KCNH8: variants seen among roughly 807,000 people sequenced by gnomAD.
KCNH8 encodes the protein potassium voltage-gated channel subfamily H member 8, also known as voltage-gated delayed rectifier potassium channel KCNH8.
KCNH8 carries 70 observed loss-of-function variants against 103.6 expected under a neutral mutation model. The ratio of observed to expected loss-of-function variants is 0.68; its 90% confidence interval spans 0.56 to 0.82. The LOEUF is 0.82. KCNH8 is among the 40% of genes least tolerant of loss of function. The pLI is 0.00. For synonymous variants in KCNH8, 498 were observed against 489.4 expected, an observed-to-expected ratio of 1.02 and a Z score of -0.23; for missense variants, 1,217 against 1,329.9, an observed-to-expected ratio of 0.92 and a Z score of 1.32.
At chr3:19,340,039 T>A (rs1005056753) in intron 3 of KCNH8, among the ~76,000 whole-genome samples, 8 of 152,240 alleles carry the variant, frequency 5.3e-5, no homozygotes, top group African/African-American at 1.9e-4. Flanking sequence ...ATCTAATGTG[T>A]TATTAGACCT....
At chr3:19,190,041 C>T (rs1054249271) in intron 1 of KCNH8, among the ~76,000 whole-genome samples, 21 of 151,782 alleles carry the variant, frequency 1.4e-4, no homozygotes, top group African/African-American at 4.6e-4. Context: ...GCAGAGATGG[C>T]GTCGTTAAGG....
intron 11 of KCNH8, among the ~76,000 whole-genome samples, chr3:19,476,642 A>G (rs1215490504): frequency 2.0e-5 from 3 of 152,114 alleles, no homozygotes; most frequent in South Asian, 4.1e-4. Flanking sequence ...TTCCCAAATC[A>G]TTGATTTGGG....
chr3:19,511,268 T>G (rs1395640678), intron 12 of KCNH8, among the ~76,000 whole-genome samples: 1 of 152,092 alleles, frequency 6.6e-6, no homozygotes, highest in African/African-American at 2.4e-5. Flanking sequence ...TGTGATAGTT[T>G]GTAATGTCGG....
intron 1 of KCNH8, among the ~76,000 whole-genome samples, chr3:19,162,259 C>G (rs555413988): frequency 1.4e-4 from 21 of 151,816 alleles, no homozygotes; most frequent in African/African-American, 3.6e-4. Flanking sequence ...CACCTGCAAT[C>G]TCAGCACTTT....
intron 11 of KCNH8, among the ~76,000 whole-genome samples, chr3:19,492,523 T>C (rs2068345161): frequency 6.6e-6 from 1 of 152,174 alleles, no homozygotes; most frequent in African/African-American, 2.4e-5. Flanking sequence ...TTCTGTTCCA[T>C]TGGTCTGTGT....
chr3:19,467,443 T>G (rs2067764806), intron 11 of KCNH8, among the ~76,000 whole-genome samples: 1 of 152,332 alleles, frequency 6.6e-6, no homozygotes, highest in African/African-American at 2.4e-5. Flanking sequence ...GTATGCATTA[T>G]CTGGTGAAAT....
chr3:19,369,323 C>T (rs2066055519), intron 5 of KCNH8, among the ~76,000 whole-genome samples: 1 of 151,916 alleles, frequency 6.6e-6, no homozygotes, highest in Non-Finnish European at 1.5e-5. Flanking sequence ...TCTTCCTTGG[C>T]TTCCACTGTC....
At chr3:19,354,973 A>G (rs1028342831) in intron 5 of KCNH8, among the ~76,000 whole-genome samples, 3 of 152,228 alleles carry the variant, frequency 2.0e-5, no homozygotes, top group Non-Finnish European at 1.5e-5. Flanking sequence ...AGTTTTTACA[A>G]TCTGCCCATC....
intron 3 of KCNH8, among the ~76,000 whole-genome samples, chr3:19,311,931 G>T (rs2065213639): frequency 6.6e-6 from 1 of 151,858 alleles, no homozygotes; most frequent in East Asian, 1.9e-4. Context: ...TCTGTCAATT[G>T]TTGTATAAAG....
At chr3:19,395,403 TA>T in intron 7 of KCNH8, 92 bp downstream of exon 7, 1 of 796,934 alleles carries the variant, frequency 1.3e-6, no homozygotes, top group Non-Finnish European at 2.0e-6. Context: ...AGTCTATAAA[TA>T]TATTTATTCT....
At chr3:19,169,879 T>C (rs959415636) in intron 1 of KCNH8, among the ~76,000 whole-genome samples, 1 of 152,212 alleles carries the variant, frequency 6.6e-6, no homozygotes, top group Non-Finnish European at 1.5e-5. Context: ...CATTTTTTGT[T>C]TTGTTTTCAA....
chr3:19,497,820 C>T (rs1021188951), intron 11 of KCNH8, among the ~76,000 whole-genome samples: 1 of 152,114 alleles, frequency 6.6e-6, no homozygotes, highest in South Asian at 2.1e-4. Flanking sequence ...AACAATTTGT[C>T]TAATACTCTC....
intron 3 of KCNH8, among the ~76,000 whole-genome samples, chr3:19,291,311 T>C (rs988563420): frequency 6.6e-6 from 1 of 151,990 alleles, no homozygotes; most frequent in Non-Finnish European, 1.5e-5. Flanking sequence ...GCTCTTGCTT[T>C]TCTAGTTCTT....
chr3:19,205,610 T>A (rs2063707008), intron 1 of KCNH8, among the ~76,000 whole-genome samples: 1 of 151,968 alleles, frequency 6.6e-6, no homozygotes, highest in Non-Finnish European at 1.5e-5. Context: ...ACATGCTCAG[T>A]GTACTACAGG....
At chr3:19,159,475 G>A (rs2063213790) in intron 1 of KCNH8, among the ~76,000 whole-genome samples, 1 of 151,906 alleles carries the variant, frequency 6.6e-6, no homozygotes, top group Non-Finnish European at 1.5e-5. Flanking sequence ...CCGATTACAA[G>A]GTGGTCCCAC....
At chr3:19,188,803 GTTTGTTTGATTGAT>G (rs2063525703) in intron 1 of KCNH8, among the ~76,000 whole-genome samples, 1 of 151,912 alleles carries the variant, frequency 6.6e-6, no homozygotes, top group African/African-American at 2.4e-5. Flanking sequence ...GTGTTTGTTT[GTTTGTTTGATTGAT>G]TTTGTTTGTA....
intron 1 of KCNH8, among the ~76,000 whole-genome samples, chr3:19,201,260 A>AAAAT (rs1264209398): frequency 6.9e-6 from 1 of 145,876 alleles, no homozygotes; most frequent in Admixed American, 6.9e-5. Flanking sequence ...AAAAAAAAAA[A>AAAAT]AAGAAAAGAA....
At chr3:19,412,147 A>G (rs2066790583) in intron 7 of KCNH8, among the ~76,000 whole-genome samples, 1 of 152,130 alleles carries the variant, frequency 6.6e-6, no homozygotes, top group African/African-American at 2.4e-5. Context: ...AAAGCATACT[A>G]TAAGGCTACC....
intron 7 of KCNH8, among the ~76,000 whole-genome samples, chr3:19,416,254 C>G (rs1401453565): frequency 6.6e-6 from 1 of 151,910 alleles, no homozygotes; most frequent in Non-Finnish European, 1.5e-5. Flanking sequence ...TGCATTAATT[C>G]TTAGTGTTTT....
Sources: gnomAD v4.1 joint callset for allele counts (sites outside exome capture counted in the v4.1 genomes callset) on GRCh38, gnomAD v4.1.1 for gene constraint, MANE v1.5 for transcripts, NCBI Gene and HGNC (gene_info 2026-07-23, HGNC 2026-07-21) for gene names.